The following CIT variants were observed in gnomAD, a reference collection of about 807,000 sequenced individuals.
CIT encodes citron rho-interacting serine/threonine kinase.
A neutral mutation model predicts 272.7 loss-of-function variants in CIT; 79 were observed. The observed-to-expected ratio is 0.29, with a 90% CI of 0.24 to 0.35. The LOEUF (loss-of-function observed/expected upper bound fraction) is 0.35. Among genes scored for constraint, CIT ranks in the 10% least tolerant of loss-of-function variants. The pLI is 1.00. For missense variants in CIT, 1,909 were observed against 2,618.3 expected (o/e 0.73, Z 5.91); for synonymous variants, 948 against 995.6 (o/e 0.95, Z 0.90).
In CIT at chr12:119,712,598, G is replaced by A. The variant is rs372311430; in HGVS notation, c.4677C>T (p.Ala1559=). Residue 1559 remains alanine (A), a synonymous_variant, in exon 36 of 48, where the codon GCC becomes GCT. Coordinates refer to ENST00000392521, the MANE Select transcript of CIT (RefSeq NM_001206999.2). This position sits in a 1 kb window ranked among gnomAD's most constrained non-coding sequence, Gnocchi z 5.2. ...CCTCCGGCTCCTCCTCACCTGCTTT[G>A]GCTGTATTTGCGAGTTCGGAAGCAC... ...AVGASELANT[A]KADVPYILKM... 159 of 1,614,020 alleles carry A rather than the reference G, an allele frequency of 9.9e-5. No homozygotes were observed. The Middle Eastern group carries it at 1.3e-3, about 13-fold the overall frequency.
intron 5 of CIT, among the ~76,000 whole-genome samples, chr12:119,837,227 T>C (rs763558857): frequency 8.1e-4 from 123 of 152,360 alleles, no homozygotes; most frequent in Non-Finnish European, 1.3e-3. Context: ...TAAGTAAATG[T>C]GGCTATCCCA....
intron 1 of CIT, 87 bp from the exon 2 acceptor site, chr12:119,876,268 G>C (rs1484471389): frequency 1.3e-6 from 1 of 768,826 alleles, no homozygotes; most frequent in Non-Finnish European, 2.1e-6. Flanking sequence ...AGATATCAGG[G>C]ACAAGGAGGT....
At chr12:119,859,373 T>C (rs1950265337) in intron 3 of CIT, among the ~76,000 whole-genome samples, 1 of 152,186 alleles carries the variant, frequency 6.6e-6, no homozygotes, top group South Asian at 2.1e-4. Context: ...AGGAGCTACA[T>C]TCCAGAGTCA....
At position 119,834,562 on chromosome 12, in the gene CIT, G is replaced by A. The variant is rs533436755; in HGVS notation, c.517-334C>T. On this transcript the variant is annotated intron_variant, in intron 5 of 47. Transcript: ENST00000392521. ...CCCTAGGATTAGGTACAGTGTAGACGGATATTCCTAGAGGGCAACCACTCT... is the reference window on the plus strand; with the variant it reads ...CCCTAGGATTAGGTACAGTGTAGACAGATATTCCTAGAGGGCAACCACTCT... Among the ~76,000 whole-genome samples, 7 of 152,256 alleles carry A rather than the reference G, an allele frequency of 4.6e-5. No homozygotes were observed. In the East Asian group the frequency reaches 1.2e-3, roughly 25 times the overall value.
intron 40 of CIT, among the ~76,000 whole-genome samples, chr12:119,705,435 C>T (rs903876939): frequency 2.0e-5 from 3 of 151,864 alleles, no homozygotes; most frequent in Non-Finnish European, 2.9e-5. Flanking sequence ...GAAGATGGGC[C>T]GGGATAAGGG....
At chr12:119,851,738 T>C (rs1375673105) in intron 4 of CIT, among the ~76,000 whole-genome samples, 1 of 152,214 alleles carries the variant, frequency 6.6e-6, no homozygotes, top group Non-Finnish European at 1.5e-5. Flanking sequence ...ATAAAATACT[T>C]TTTTAATTAC....
intron 23 of CIT, among the ~76,000 whole-genome samples, chr12:119,749,298 ATC>A (rs968552501): frequency 2.6e-5 from 4 of 152,204 alleles, no homozygotes; most frequent in Admixed American, 6.5e-5. Flanking sequence ...AAACTCACAA[ATC>A]TCCTAGGCGA....
intron 3 of CIT, among the ~76,000 whole-genome samples, chr12:119,862,834 A>G (rs1566141847): frequency 2.9e-5 from 4 of 136,470 alleles, no homozygotes; most frequent in Non-Finnish European, 1.5e-5. Flanking sequence ...AAAAAAAAAA[A>G]AAAAAAGAAA....
chr12:119,699,944 T>G (rs973404738), intron 44 of CIT: 1 of 455,388 alleles, frequency 2.2e-6, no homozygotes, highest in African/African-American at 2.0e-5. Context: ...TAGTCTTTGA[T>G]CCAACAGTTC....
At chr12:119,840,042 T>G (rs888523633) in intron 5 of CIT, among the ~76,000 whole-genome samples, 1 of 152,138 alleles carries the variant, frequency 6.6e-6, no homozygotes, top group Non-Finnish European at 1.5e-5. Context: ...CTTGGCCAAG[T>G]GCAGTGGCTC....
chr12:119,710,537 T>C lies in CIT; in HGVS notation c.4935+3A>G. On this transcript the variant is annotated splice_donor_region_variant and intron_variant, in intron 38 of 47. Transcript: ENST00000392521. This position sits in a 1 kb window ranked among gnomAD's most constrained non-coding sequence, Gnocchi z 5.6. ...CAGCTGGCCGTGCCCATGCAAGCAT[T>C]ACCTGGTCACTGAAGGGCAGCGTGC... 1.9e-6 allele frequency: 3 copies of C among 1,614,204 alleles called. No individual in the cohort carries two copies. The highest frequency in any genetic ancestry group is 2.5e-6 in the Non-Finnish European group (3 of 1,180,002).
intron 10 of CIT, among the ~76,000 whole-genome samples, chr12:119,790,805 T>C (rs532283166): frequency 2.6e-5 from 4 of 152,224 alleles, no homozygotes; most frequent in African/African-American, 7.2e-5. Flanking sequence ...CAACAAGAAT[T>C]ATCCAGCCCA....
intron 16 of CIT, among the ~76,000 whole-genome samples, chr12:119,773,571 T>G (rs906676842): frequency 6.6e-6 from 1 of 152,070 alleles, no homozygotes; most frequent in Non-Finnish European, 1.5e-5. Flanking sequence ...GTAGCTAGGA[T>G]TACAGGCATG....
In CIT at chr12:119,701,732, G is replaced by C; in HGVS notation, c.5434C>G (p.His1812Asp). 6.2e-7 allele frequency: 1 copy of C among 1,614,254 alleles called. No individual in the cohort carries two copies. The highest frequency in any genetic ancestry group is 8.5e-7 in the Non-Finnish European group (1 of 1,180,046). ...TLEEFLDKNDHSLAPAVFAAS... is the reference protein window; with the variant it reads ...TLEEFLDKNDDSLAPAVFAAS... ...GCAAACACAGCAGGTGCCAAGGAAT[G>C]GTCATTCTTATCCAGGAATTCTGTA... is the stretch of plus-strand genomic sequence containing the variant. Residue 1812 changes from histidine to aspartate, a missense_variant, in exon 43 of 48, where the codon CAT (histidine) becomes GAT (aspartate). Around this residue, in one of 8 missense-constraint regions of CIT, gnomAD observed 780 missense variants for 1,067.2 expected, o/e 0.73. Transcript: ENST00000392521.
chr12:119,869,297 C>T, intron 2 of CIT, 96 bp from the exon 3 acceptor site: 1 of 1,227,218 alleles, frequency 8.1e-7, no homozygotes, highest in East Asian at 2.5e-5. Flanking sequence ...ACCAACTCAA[C>T]TAACTGCTCA....
chr12:119,771,467 C>G (rs905785842), intron 17 of CIT, among the ~76,000 whole-genome samples: 2 of 152,100 alleles, frequency 1.3e-5, no homozygotes, highest in African/African-American at 2.4e-5. Context: ...AAGAGCCAGT[C>G]TGGGCCCCAA....
intron 10 of CIT, among the ~76,000 whole-genome samples, chr12:119,791,383 C>G (rs1250348434): frequency 6.6e-6 from 1 of 152,138 alleles, no homozygotes; most frequent in Non-Finnish European, 1.5e-5. Context: ...ATCCACATGC[C>G]AGGTTGGTTC....
At chr12:119,740,144 T>C (rs1398943065) in intron 24 of CIT, among the ~76,000 whole-genome samples, 1 of 152,126 alleles carries the variant, frequency 6.6e-6, no homozygotes, top group Non-Finnish European at 1.5e-5. Context: ...ACACACACAC[T>C]TGGGAAGGCC....
intron 20 of CIT, among the ~76,000 whole-genome samples, chr12:119,759,472 G>A (rs1961466405): frequency 6.6e-6 from 1 of 151,982 alleles, no homozygotes; most frequent in Non-Finnish European, 1.5e-5. Flanking sequence ...ATGGAGAAAT[G>A]CTGTCTTTAC....
Sources: gnomAD v4.1 joint callset for allele counts (sites outside exome capture counted in the v4.1 genomes callset) on GRCh38, gnomAD v4.1.1 for gene constraint, gnomAD v4.1.1 regional missense constraint, Gnocchi (gnomAD v3.1) non-coding constraint, MANE v1.5 for transcripts, NCBI Gene and HGNC (gene_info 2026-07-23, HGNC 2026-07-21) for gene names.